Variants in TMEM72 observed in about 807,000 individuals in gnomAD.
The protein encoded by TMEM72 is kidney-specific secretory protein of 37 kDa.
TMEM72 carries 9 observed loss-of-function variants against 16.3 expected under a neutral mutation model. That is an observed-to-expected ratio of 0.55 (90% CI 0.33 to 0.96). The LOEUF (loss-of-function observed/expected upper bound fraction) is 0.96, where lower values mean the gene tolerates loss of function less well. Ranked by LOEUF, TMEM72 falls within the 40% of genes least tolerant of loss-of-function variation. The pLI, the probability that TMEM72 is intolerant of heterozygous loss-of-function variation, is 0.03. For missense variants in TMEM72, 324 were observed against 337.8 expected (o/e 0.96, Z 0.32); for synonymous variants, 160 against 146.5 (o/e 1.09, Z -0.66).
chr10:44,922,610 C>A (rs1452546140), intron 1 of TMEM72, among the ~76,000 whole-genome samples: 1 of 152,230 alleles, frequency 6.6e-6, no homozygotes, highest in East Asian at 1.9e-4. Flanking sequence ...AGCAAGGAAT[C>A]TCACTTCTTG....
chr10:44,931,063 T>TG (rs1413067474), intron 2 of TMEM72, among the ~76,000 whole-genome samples: 15 of 152,188 alleles, frequency 9.9e-5, no homozygotes, highest in African/African-American at 3.6e-4. Context: ...GAACGCCCTC[T>TG]GGGGGTTCAC....
chr10:44,926,869 G>C (rs1840203492), intron 1 of TMEM72, among the ~76,000 whole-genome samples: 1 of 152,016 alleles, frequency 6.6e-6, no homozygotes, highest in Non-Finnish European at 1.5e-5. Flanking sequence ...CTCTAGAAGA[G>C]GCATTTCAGC....
Position 44,933,788 on chromosome 10 carries a change from G to A in TMEM72, c.349+12G>A. ...CGTGACCATCCCAGGTAAGAGCACA[G>A]GGGTAGAGATATGCAGCCCCAGCAC... On this transcript the variant is annotated intron_variant, in intron 4 of 4. Coordinates refer to ENST00000389583, the MANE Select transcript of TMEM72 (RefSeq NM_001123376.3). The A allele has an allele frequency of 1.2e-6, 2 of 1,607,330 alleles. No individual in the cohort carries two copies. Among genetic ancestry groups the A allele is most frequent in the South Asian group, 1.1e-5 (1 of 90,776 alleles).
intron 2 of TMEM72, 111 bp downstream of exon 2, chr10:44,928,098 C>T (rs1840229241): frequency 4.0e-6 from 5 of 1,244,554 alleles, no homozygotes. Context: ...GAATTCCATC[C>T]TATCTCAGGG....
In TMEM72 at chr10:44,935,081, C is replaced by A. The variant is rs1211515610; in HGVS notation, c.775C>A (p.Pro259Thr). Residue 259 changes from proline to threonine, a missense_variant, in exon 5 of 5, where the codon CCT (proline) becomes ACT (threonine). Pro to Thr is a conservative substitution (Grantham distance 38). Transcript: ENST00000389583. ...CTCTGACACGACACCCATCATTCCC[C>A]CTCCCCAGGCCCCACTCTTCCTGTC... The part of the protein sequence containing the change: ...TTSDTTPIIP[P>T]PQAPLFLSSL... The A allele has an allele frequency of 6.2e-7, 1 of 1,611,352 alleles. No individual in the cohort carries two copies. Among genetic ancestry groups the A allele is most frequent in the Non-Finnish European group, 8.5e-7 (1 of 1,178,848 alleles).
intron 1 of TMEM72, among the ~76,000 whole-genome samples, chr10:44,922,506 C>T (rs1223495744): frequency 1.3e-5 from 2 of 152,220 alleles, no homozygotes; most frequent in Admixed American, 1.3e-4. Flanking sequence ...GTTCCCAGTA[C>T]AGTCCAGTTA....
chr10:44,915,187 C>T (rs889126829), intron 1 of TMEM72, among the ~76,000 whole-genome samples: 2 of 152,222 alleles, frequency 1.3e-5, no homozygotes, highest in African/African-American at 4.8e-5. Flanking sequence ...AGCAAAGAGG[C>T]TCCAGCTTGA....
chr10:44,927,478 C>A (rs568943456), intron 1 of TMEM72, among the ~76,000 whole-genome samples: 66 of 152,310 alleles, frequency 4.3e-4, no homozygotes, highest in African/African-American at 1.5e-3. Context: ...CCTCAGCAAG[C>A]AAGACCAAGG....
intron 1 of TMEM72, among the ~76,000 whole-genome samples, chr10:44,912,687 A>C (rs1395320251): frequency 1.3e-5 from 2 of 152,210 alleles, no homozygotes; most frequent in African/African-American, 4.8e-5. Context: ...GGAACTGAGC[A>C]TGGCTAAGTG....
At chr10:44,932,627 A>G (rs552962957) in intron 3 of TMEM72, among the ~76,000 whole-genome samples, 1 of 152,278 alleles carries the variant, frequency 6.6e-6, no homozygotes, top group East Asian at 1.9e-4. Context: ...GGCTCTCAGA[A>G]CCTAGACACT....
intron 1 of TMEM72, among the ~76,000 whole-genome samples, chr10:44,921,050 C>A (rs1379378555): frequency 1.3e-5 from 2 of 152,176 alleles, no homozygotes; most frequent in Non-Finnish European, 2.9e-5. Context: ...ACAAACAGCT[C>A]AGGAAAGCAA....
At position 44,911,344 on chromosome 10, in the gene TMEM72, A is replaced by G. The variant is rs1367911801; in HGVS notation, c.-169A>G. The G allele has an allele frequency of 1.4e-5, 9 of 632,980 alleles. No homozygotes were observed. Among genetic ancestry groups the G allele is most frequent in the East Asian group, 5.6e-5 (2 of 35,904 alleles). The allele number at this position is 632,980 out of a possible 1,614,324, so 39.2% of individuals were successfully genotyped here. A position where few individuals can be genotyped will look rare whatever the true frequency, so the allele number is the denominator to read the frequency against. Reference sequence around the variant, plus strand: ...GCTGAGAGCACAGAAGGTGAGCCCTATTCACACCTCGGCCAGGCTGCGGTG... The same window carrying G: ...GCTGAGAGCACAGAAGGTGAGCCCTGTTCACACCTCGGCCAGGCTGCGGTG... On this transcript the variant is annotated 5_prime_UTR_variant, in exon 1 of 5. Coordinates refer to ENST00000389583, the MANE Select transcript of TMEM72 (RefSeq NM_001123376.3).
Position 44,935,002 on chromosome 10 carries a change from C to A in TMEM72, c.696C>A (p.Val232=), listed in dbSNP as rs1372156135. 3.1e-6 allele frequency: 5 copies of A among 1,613,980 alleles called. No homozygotes were observed. The highest frequency in any genetic ancestry group is 4.2e-6 in the Non-Finnish European group (5 of 1,179,898). The change falls in exon 5 of 5, where the codon GTC becomes GTA. Residue 232 remains valine (V), a synonymous_variant. Coordinates refer to ENST00000389583, the MANE Select transcript of TMEM72 (RefSeq NM_001123376.3). ...TTGAAGACAACTTGGTCCGCATAGTCCCCTCCCTCGCCGAAGGTCTGGATG... is the reference window on the plus strand; with the variant it reads ...TTGAAGACAACTTGGTCCGCATAGTACCCTCCCTCGCCGAAGGTCTGGATG... ...VHFEDNLVRI[V]PSLAEGLDDG... is the part of the protein sequence containing the mutation.
chr10:44,929,455 C>T lies in TMEM72; in HGVS notation c.137+1468C>T, dbSNP rs557597434. On this transcript the variant is annotated intron_variant, in intron 2 of 4. Transcript: ENST00000389583. ...CCTACAGGGTCCACCAGGCTGTGAC[C>T]TCCACTCCCCCCCCTCCTCAGGATC... Among the ~76,000 whole-genome samples, 724 of 152,296 alleles carry T rather than the reference C, an allele frequency of 4.8e-3. 2 individuals carry two copies. The highest frequency in any genetic ancestry group is 9.5e-3 in the South Asian group (46 of 4,832).
Position 44,931,903 on chromosome 10 carries a change from G to A in TMEM72, c.138-95G>A. On this transcript the variant is annotated intron_variant, in intron 2 of 4. Coordinates refer to ENST00000389583, the MANE Select transcript of TMEM72 (RefSeq NM_001123376.3). ...AATCCAGGTGAGTCCATTGGCTGTAGATGTGATGTCAGGAGGCCACGTGTG... is the reference window on the plus strand; with the variant it reads ...AATCCAGGTGAGTCCATTGGCTGTAAATGTGATGTCAGGAGGCCACGTGTG... 1.6e-6 allele frequency: 2 copies of A among 1,245,578 alleles called. 1 individual carries two copies. The highest frequency in any genetic ancestry group is 2.3e-6 in the Non-Finnish European group (2 of 880,128). The allele number at this position is 1,245,578 out of a possible 1,614,324, so 77.2% of individuals were successfully genotyped here.
intron 1 of TMEM72, among the ~76,000 whole-genome samples, chr10:44,913,206 T>C (rs946360024): frequency 2.0e-5 from 3 of 152,080 alleles, no homozygotes; most frequent in African/African-American, 7.2e-5. Flanking sequence ...CTAAATAGGT[T>C]TCCATGTCTG....
At chr10:44,920,993 C>T (rs1840087375) in intron 1 of TMEM72, among the ~76,000 whole-genome samples, 1 of 152,210 alleles carries the variant, frequency 6.6e-6, no homozygotes, top group Non-Finnish European at 1.5e-5. Flanking sequence ...GGCTGTACCA[C>T]AGGCTCTTGG....
rs1465310351 is a variant in TMEM72, at chr10:44,936,079, A to C, written c.*945A>C. On this transcript the variant is annotated 3_prime_UTR_variant, in exon 5 of 5. Coordinates refer to ENST00000389583, the MANE Select transcript of TMEM72 (RefSeq NM_001123376.3). ...AATGGGAGGATAGGAGGAAGTGGGC[A>C]GGCAGGCAAGTTCTCTGCCATGGGG... The C allele has an allele frequency of 2.6e-5, 4 of 152,286 alleles. No homozygotes were observed. Among genetic ancestry groups the C allele is most frequent in the Non-Finnish European group, 5.9e-5 (4 of 68,058 alleles). 9.4% of individuals were successfully genotyped at this position (152,286 alleles called of 1,614,324 possible).
intron 3 of TMEM72, among the ~76,000 whole-genome samples, chr10:44,932,370 G>A (rs1402772370): frequency 6.6e-6 from 1 of 152,230 alleles, no homozygotes; most frequent in Admixed American, 6.5e-5. Flanking sequence ...CAGTCACTGG[G>A]CCCCAGTGTC....
Sources: allele counts gnomAD v4.1 joint callset (sites outside exome capture counted in the v4.1 genomes callset), GRCh38; gene constraint gnomAD v4.1.1; transcripts MANE v1.5; gene names NCBI Gene and HGNC (gene_info 2026-07-23, HGNC 2026-07-21).